The following FAM185A variants were observed in gnomAD, a reference collection of about 807,000 sequenced individuals.
FAM185A encodes the protein family with sequence similarity 185 member A, also known as protein FAM185A.
A neutral mutation model predicts 45.7 loss-of-function variants in FAM185A; 21 were observed. The observed-to-expected ratio is 0.46, with a 90% CI of 0.33 to 0.66. The LOEUF (loss-of-function observed/expected upper bound fraction) is 0.66. Ranked by LOEUF, FAM185A falls within the 30% of genes least tolerant of loss-of-function variation. The probability of loss-of-function intolerance (pLI) is 0.03; values close to 1 mark genes in which losing one functional copy is unlikely to be tolerated. For missense variants in FAM185A, 305 were observed against 485.4 expected, an observed-to-expected ratio of 0.63 and a Z score of 3.49; for synonymous variants, 117 against 194.0, an observed-to-expected ratio of 0.60 and a Z score of 3.30.
At chr7:102,799,230 CAG>C (rs1189605997) in intron 7 of FAM185A, among the ~76,000 whole-genome samples, 2 of 152,166 alleles carry the variant, frequency 1.3e-5, no homozygotes, top group African/African-American at 4.8e-5. Flanking sequence ...CAATTGAACT[CAG>C]AGATTTTAAC....
intron 7 of FAM185A, among the ~76,000 whole-genome samples, chr7:102,800,359 C>A (rs966018032): frequency 3.9e-5 from 6 of 152,194 alleles, no homozygotes; most frequent in African/African-American, 1.4e-4. Context: ...GCGAAAATCA[C>A]ACTAGCTCAC....
intron 7 of FAM185A, among the ~76,000 whole-genome samples, chr7:102,794,648 T>A (rs1163151346): frequency 6.6e-6 from 1 of 152,198 alleles, no homozygotes; most frequent in Non-Finnish European, 1.5e-5. Flanking sequence ...TCACCTAGCA[T>A]TTATATTCCT....
chr7:102,812,268 A>T (rs1797476301), downstream of FAM185A, among the ~76,000 whole-genome samples: 1 of 152,262 alleles, frequency 6.6e-6, no homozygotes, highest in South Asian at 2.1e-4. Context: ...TACGGATTAA[A>T]GCTTATTAAA....
the FAM185A span, among the ~76,000 whole-genome samples, chr7:102,837,495 T>C: frequency 6.6e-6 from 1 of 152,232 alleles, no homozygotes; most frequent in Non-Finnish European, 1.5e-5. Context: ...AGCTCAAATG[T>C]GGTTTATTCT....
At chr7:102,772,487 C>G in intron 5 of FAM185A, 37 bp downstream of exon 5, 1 of 1,478,814 alleles carries the variant, frequency 6.8e-7, no homozygotes, top group Non-Finnish European at 9.0e-7. Context: ...ATTTTGTCCA[C>G]TTTTAAAAAT....
intron 7 of FAM185A, among the ~76,000 whole-genome samples, chr7:102,789,624 C>T: frequency 1.3e-5 from 2 of 152,262 alleles, no homozygotes; most frequent in Non-Finnish European, 2.9e-5. Flanking sequence ...AAAAAGAATC[C>T]CTTGAACCCA....
intron 2 of FAM185A, among the ~76,000 whole-genome samples, chr7:102,756,121 AT>A (rs571255534): frequency 2.0e-5 from 3 of 150,526 alleles, no homozygotes; most frequent in East Asian, 4.0e-4. Flanking sequence ...TATAGTACAG[AT>A]TTTTTTTCTC....
At chr7:102,774,240 T>C (rs2129437049) in intron 5 of FAM185A, among the ~76,000 whole-genome samples, 1 of 152,308 alleles carries the variant, frequency 6.6e-6, no homozygotes, top group African/African-American at 2.4e-5. Context: ...TTGCTTCTAA[T>C]TGTCTACTGC....
chr7:102,831,781 A>G, the FAM185A span, among the ~76,000 whole-genome samples: 1,606 of 152,094 alleles, frequency 0.011, 31 homozygotes, highest in African/African-American at 0.036. Context: ...CAAGCTTCCA[A>G]ATTTTTGTTG....
At chr7:102,827,283 A>T in the FAM185A span, 1 of 324,356 alleles carries the variant, frequency 3.1e-6, no homozygotes, top group Non-Finnish European at 6.9e-6. Flanking sequence ...CTCTAAGGGG[A>T]GTCAAGAGAT....
At chr7:102,805,649 C>A (rs766186588) in intron 7 of FAM185A, among the ~76,000 whole-genome samples, 24 of 151,678 alleles carry the variant, frequency 1.6e-4, no homozygotes, top group Non-Finnish European at 3.4e-4. Flanking sequence ...CTCATGCAAC[C>A]AAACACCACC....
rs960852265 is a variant in FAM185A, at chr7:102,808,564, T to G, written c.*162T>G. 6.2e-5 allele frequency: 37 copies of G among 594,722 alleles called. No homozygotes were observed. Among genetic ancestry groups the G allele is most frequent in the Non-Finnish European group, 1.0e-4 (35 of 334,592 alleles). The allele number at this position is 594,722 out of a possible 1,614,324, so 36.8% of individuals were successfully genotyped here. ...TTTTTCAAAATTTGTGCTTTGCTAT[T>G]GTATTCATTTTCTACTGCTCTGTAA... On this transcript the variant is annotated 3_prime_UTR_variant, in exon 8 of 8. Transcript: ENST00000413034.
the FAM185A span, chr7:102,827,098 A>G: frequency 2.2e-6 from 1 of 452,972 alleles, no homozygotes. Flanking sequence ...AAAGGAATGG[A>G]GCAGAAGTCA....
At chr7:102,821,914 A>C in the FAM185A span, 4 of 1,121,054 alleles carry the variant, frequency 3.6e-6, no homozygotes, top group Non-Finnish European at 5.1e-6. Flanking sequence ...CAATTAGGCA[A>C]AAAATAAAAT....
chr7:102,751,628 G>A, intron 1 of FAM185A, 64 bp from the exon 2 acceptor site: 1 of 1,468,398 alleles, frequency 6.8e-7, no homozygotes, highest in South Asian at 1.4e-5. Flanking sequence ...GGGTTTCTAG[G>A]TTAAAATGCT....
intron 7 of FAM185A, among the ~76,000 whole-genome samples, chr7:102,804,345 A>G (rs1490807532): frequency 6.6e-6 from 1 of 152,260 alleles, no homozygotes; most frequent in Non-Finnish European, 1.5e-5. Flanking sequence ...ACATAGACCA[A>G]TGGAACAGAT....
chr7:102,758,459 T>TTTA lies in FAM185A; in HGVS notation c.654+513_654+514insTTA, dbSNP rs1554364935. Among the ~76,000 whole-genome samples, 78 of 107,460 alleles carry TTTA rather than the reference T, an allele frequency of 7.3e-4. 8 individuals carry two copies. The highest frequency in any genetic ancestry group is 1.8e-3 in the East Asian group (6 of 3,324). 70.5% of individuals were successfully genotyped at this position (107,460 alleles called of 152,430 possible). On this transcript the variant is annotated intron_variant, in intron 3 of 7. Coordinates refer to ENST00000413034, the MANE Select transcript of FAM185A (RefSeq NM_001145268.2). ...TTTTTTTTTTTTTTTTTTTTTTTTT[T>TTTA]ATAGTAGCTATTGGGATTTTTGTTG...
the FAM185A span, among the ~76,000 whole-genome samples, chr7:102,817,866 G>T: frequency 6.6e-6 from 1 of 152,138 alleles, no homozygotes; most frequent in Non-Finnish European, 1.5e-5. Flanking sequence ...AATGATTTGG[G>T]AATTGAACCA....
At chr7:102,750,473 T>C (rs1313739303) in intron 1 of FAM185A, among the ~76,000 whole-genome samples, 1 of 152,226 alleles carries the variant, frequency 6.6e-6, no homozygotes, top group African/African-American at 2.4e-5. Flanking sequence ...TCTCAGTTTG[T>C]TACCTGCCTC....
Sources: gnomAD v4.1 joint callset for allele counts (sites outside exome capture counted in the v4.1 genomes callset) on GRCh38, gnomAD v4.1.1 for gene constraint, MANE v1.5 for transcripts, NCBI Gene and HGNC (gene_info 2026-07-23, HGNC 2026-07-21) for gene names.